Variants in GCFC2 observed in about 807,000 individuals in gnomAD.
GCFC2 encodes the protein GC-rich sequence DNA-binding factor 2.
Under a neutral mutation model 99.4 loss-of-function variants are expected in GCFC2, and 102 were observed. The ratio of observed to expected loss-of-function variants is 1.03; its 90% CI spans 0.87 to 1.21. The LOEUF (loss-of-function observed/expected upper bound fraction) is 1.21. GCFC2 is among the 50% of genes most tolerant of loss of function. GCFC2 has a pLI of 0.00. For missense variants in GCFC2, 973 were observed against 920.9 expected, an observed-to-expected ratio of 1.06 and a Z score of -0.73; for synonymous variants, 338 against 316.8, an observed-to-expected ratio of 1.07 and a Z score of -0.71.
intron 12 of GCFC2, among the ~76,000 whole-genome samples, chr2:75,675,797 T>G (rs1679310618): frequency 6.6e-6 from 1 of 151,812 alleles, no homozygotes; most frequent in African/African-American, 2.4e-5. Context: ...ATTCACATAT[T>G]TTAAAACCGT....
rs191686173 is a variant in GCFC2, at chr2:75,698,871, G to C, written c.717+2319C>G. Among the ~76,000 whole-genome samples the C allele has an allele frequency of 1.2e-3, 185 of 152,108 alleles. 1 individual carries two copies. Among genetic ancestry groups the C allele is most frequent in the Middle Eastern group, 0.01 (3 of 294 alleles). ...TACTAAAATACAAAAAATCAGTCAG[G>C]CATGGTGGTATGTACGTGTAGTCCC... On this transcript the variant is annotated intron_variant, in intron 4 of 16. Transcript: ENST00000321027.
upstream of GCFC2, chr2:75,711,050 T>C (rs889569407): frequency 6.8e-6 from 9 of 1,320,950 alleles, no homozygotes; most frequent in African/African-American, 7.8e-5. Flanking sequence ...CCGAGTTCTG[T>C]TCTGGGGCCT....
At chr2:75,703,583 G>A (rs913906747) in intron 2 of GCFC2, among the ~76,000 whole-genome samples, 13 of 152,188 alleles carry the variant, frequency 8.5e-5, no homozygotes, top group African/African-American at 2.9e-4. Context: ...TTATAGATTA[G>A]TAATTATTTA....
chr2:75,702,123 C>G (rs767853914), intron 3 of GCFC2, 76 bp downstream of exon 3: 2 of 1,536,582 alleles, frequency 1.3e-6, no homozygotes, highest in Admixed American at 1.8e-5. Flanking sequence ...CAGCATATTA[C>G]ATTTTTTATG....
intron 15 of GCFC2, among the ~76,000 whole-genome samples, chr2:75,669,365 A>G (rs1678984215): frequency 6.6e-6 from 1 of 152,142 alleles, no homozygotes. Context: ...CCCAGTTTTA[A>G]TAATAATCAA....
chr2:75,692,280 G>C (rs555838294), intron 6 of GCFC2, among the ~76,000 whole-genome samples, 180 bp from the exon 7 acceptor site: 1 of 152,014 alleles, frequency 6.6e-6, no homozygotes, highest in East Asian at 1.9e-4. Flanking sequence ...AACAGACCTA[G>C]CTGCCAATAC....
chr2:75,691,923 C>G (rs527508513), intron 7 of GCFC2, 54 bp downstream of exon 7: 55 of 980,436 alleles, frequency 5.6e-5, no homozygotes, highest in African/African-American at 6.6e-5. Flanking sequence ...TTTTATTCTT[C>G]ACATAATTTA....
At chr2:75,688,717 C>G (rs559751227) in intron 10 of GCFC2, among the ~76,000 whole-genome samples, 2 of 152,212 alleles carry the variant, frequency 1.3e-5, no homozygotes, top group East Asian at 3.9e-4. Flanking sequence ...TGAAACAAGG[C>G]TTTTATATCT....
At chr2:75,685,544 G>A (rs972075114) in intron 11 of GCFC2, among the ~76,000 whole-genome samples, 4 of 152,030 alleles carry the variant, frequency 2.6e-5, no homozygotes, top group African/African-American at 9.6e-5. Flanking sequence ...CACACTCTTA[G>A]TTTCCTGCCC....
chr2:75,702,093 C>A, intron 3 of GCFC2, 106 bp downstream of exon 3: 1 of 1,493,932 alleles, frequency 6.7e-7, no homozygotes, highest in South Asian at 1.4e-5. Flanking sequence ...AAACCATTAT[C>A]AACACTATAA....
intron 5 of GCFC2, among the ~76,000 whole-genome samples, chr2:75,695,745 C>T (rs1215736533): frequency 6.6e-6 from 1 of 152,108 alleles, no homozygotes; most frequent in Non-Finnish European, 1.5e-5. Context: ...TGAACACAAG[C>T]ACTGTGATAC....
Position 75,710,862 on chromosome 2 carries a change from G to A in GCFC2, c.-7C>T, listed in dbSNP as rs1469515665. On this transcript the variant is annotated 5_prime_UTR_variant, in exon 1 of 17. Coordinates refer to ENST00000321027, the MANE Select transcript of GCFC2 (RefSeq NM_003203.5). ...TTTTCGGCCTGTGAGCCATGGCCGA[G>A]GCCCGAGCGCCCGGCGCCCTAGAAC... 6.5e-7 allele frequency: 1 copy of A among 1,544,898 alleles called. No homozygotes were observed. Among genetic ancestry groups the A allele is most frequent in the South Asian group, 1.2e-5 (1 of 86,022 alleles).
chr2:75,669,288 A>C (rs964463866), intron 15 of GCFC2, among the ~76,000 whole-genome samples: 1 of 152,164 alleles, frequency 6.6e-6, no homozygotes, highest in African/African-American at 2.4e-5. Flanking sequence ...CTAACTTTCT[A>C]TTATACAAAA....
In GCFC2 at chr2:75,700,846, T is replaced by C. The variant is rs114168250; in HGVS notation, c.717+344A>G. On this transcript the variant is annotated intron_variant, in intron 4 of 16. Coordinates refer to ENST00000321027, the MANE Select transcript of GCFC2 (RefSeq NM_003203.5). Reference sequence around the variant, plus strand: ...TAATTAAGTGAAGGATCTTGGATTATCTGAGTAGGCCCTAAACCCAATGAC... The same window carrying C: ...TAATTAAGTGAAGGATCTTGGATTACCTGAGTAGGCCCTAAACCCAATGAC... Among the ~76,000 whole-genome samples, 530 of 152,288 alleles carry C rather than the reference T, an allele frequency of 3.5e-3. 1 individual carries two copies. Among genetic ancestry groups the C allele is most frequent in the African/African-American group, 0.012 (507 of 41,554 alleles).
chr2:75,675,999 A>G (rs113419035), intron 12 of GCFC2, among the ~76,000 whole-genome samples: 2 of 152,132 alleles, frequency 1.3e-5, no homozygotes, highest in South Asian at 2.1e-4. Flanking sequence ...GCTGTTCTCT[A>G]TATCCATGGA....
chr2:75,690,467 G>C (rs1680016351), intron 8 of GCFC2, 171 bp downstream of exon 8: 1 of 568,276 alleles, frequency 1.8e-6, no homozygotes, highest in Non-Finnish European at 3.1e-6. Context: ...ACACCAATGT[G>C]TCTTTAAAGC....
At chr2:75,689,880 C>T in intron 9 of GCFC2, 89 bp downstream of exon 9, 1 of 716,312 alleles carries the variant, frequency 1.4e-6, no homozygotes, top group Non-Finnish European at 2.5e-6. Flanking sequence ...TTTTATATAG[C>T]TTATGTACTT....
intron 4 of GCFC2, among the ~76,000 whole-genome samples, chr2:75,700,487 G>A (rs754397134): frequency 9.9e-5 from 15 of 151,984 alleles, no homozygotes; most frequent in Middle Eastern, 3.4e-3. Flanking sequence ...ATACCATTGC[G>A]GTGAGATGTC....
At chr2:75,689,496 T>A (rs1679963536) in intron 9 of GCFC2, among the ~76,000 whole-genome samples, 1 of 152,134 alleles carries the variant, frequency 6.6e-6, no homozygotes, top group African/African-American at 2.4e-5. Context: ...GTCTACTTAT[T>A]TACAGACAAA....
Sources: allele counts gnomAD v4.1 joint callset (sites outside exome capture counted in the v4.1 genomes callset), GRCh38; gene constraint gnomAD v4.1.1; transcripts MANE v1.5; gene names NCBI Gene and HGNC (gene_info 2026-07-23, HGNC 2026-07-21).